TAS2R1: variants seen among roughly 807,000 people sequenced by gnomAD.
The protein encoded by TAS2R1 is taste 2 receptor member 1, also known as taste receptor type 2 member 1.
For missense variants in TAS2R1, 370 were observed against 353.4 expected (o/e 1.05, Z -0.38); for synonymous variants, 141 against 134.2 (o/e 1.05, Z -0.35).
chr5:9,787,379 T>C, the TAS2R1 span, among the ~76,000 whole-genome samples: 1 of 152,180 alleles, frequency 6.6e-6, no homozygotes, highest in Non-Finnish European at 1.5e-5. Context: ...TGTTTAAAAA[T>C]GTGTCTCCAT....
At chr5:9,726,559 GT>G in the TAS2R1 span, among the ~76,000 whole-genome samples, 1 of 152,298 alleles carries the variant, frequency 6.6e-6, no homozygotes, top group East Asian at 1.9e-4. Flanking sequence ...AACACTCACT[GT>G]GAAGGTCTAT....
At chr5:9,768,573 G>A in the TAS2R1 span, among the ~76,000 whole-genome samples, 9 of 151,804 alleles carry the variant, frequency 5.9e-5, no homozygotes, top group South Asian at 4.2e-4. Context: ...CTCCTCCTTC[G>A]CCTCCTTGCT....
At chr5:9,825,630 C>T in the TAS2R1 span, among the ~76,000 whole-genome samples, 2 of 152,202 alleles carry the variant, frequency 1.3e-5, no homozygotes, top group Admixed American at 1.3e-4. Flanking sequence ...CTCAATTTTC[C>T]TGCTTCTCAA....
chr5:9,834,846 T>C, the TAS2R1 span, among the ~76,000 whole-genome samples: 3 of 152,068 alleles, frequency 2.0e-5, no homozygotes, highest in Non-Finnish European at 4.4e-5. Flanking sequence ...TCCCCATCGA[T>C]AGAAATTCAA....
At chr5:9,662,165 C>G (rs919010109) in intron 1 of TAS2R1, among the ~76,000 whole-genome samples, 9 of 152,134 alleles carry the variant, frequency 5.9e-5, no homozygotes, top group African/African-American at 1.7e-4. Context: ...CAGCCTAATT[C>G]CAAACGGGTA....
At chr5:9,672,106 G>A (rs183254984) in intron 1 of TAS2R1, among the ~76,000 whole-genome samples, 51 of 152,158 alleles carry the variant, frequency 3.4e-4, no homozygotes, top group East Asian at 1.7e-3. Context: ...GATTGATGCC[G>A]GACCCCTTCC....
chr5:9,903,134 T>C, the TAS2R1 span, among the ~76,000 whole-genome samples: 1 of 152,046 alleles, frequency 6.6e-6, no homozygotes, highest in African/African-American at 2.4e-5. Flanking sequence ...ACAGTTGAGT[T>C]ACTATTGACT....
At chr5:9,668,032 G>T (rs1740672257) in intron 1 of TAS2R1, among the ~76,000 whole-genome samples, 1 of 152,126 alleles carries the variant, frequency 6.6e-6, no homozygotes, top group Admixed American at 6.6e-5. Flanking sequence ...GCAGTAACAT[G>T]ATGCAGGAGA....
chr5:9,714,967 A>G (rs941751899), upstream of TAS2R1, among the ~76,000 whole-genome samples: 1 of 152,230 alleles, frequency 6.6e-6, no homozygotes, highest in African/African-American at 2.4e-5. Context: ...GGATGTGCCA[A>G]TTTGTCAGCC....
chr5:9,699,341 G>T (rs145754147), intron 1 of TAS2R1, among the ~76,000 whole-genome samples: 1 of 152,164 alleles, frequency 6.6e-6, no homozygotes, highest in Non-Finnish European at 1.5e-5. Context: ...AGTTCCCTTC[G>T]ACGCTTTCAT....
chr5:9,855,779 T>A, the TAS2R1 span, among the ~76,000 whole-genome samples: 2 of 152,238 alleles, frequency 1.3e-5, no homozygotes, highest in African/African-American at 4.8e-5. Flanking sequence ...TAGATGCTGA[T>A]GCAAGATAAA....
At chr5:9,855,996 AG>A in the TAS2R1 span, among the ~76,000 whole-genome samples, 2 of 152,234 alleles carry the variant, frequency 1.3e-5, no homozygotes, top group East Asian at 3.9e-4. Context: ...ATCAGCATAA[AG>A]GAAGAAAAGA....
chr5:9,788,253 T>C, the TAS2R1 span, among the ~76,000 whole-genome samples: 3 of 152,236 alleles, frequency 2.0e-5, no homozygotes, highest in East Asian at 1.9e-4. Flanking sequence ...CTAATCTAAA[T>C]TGGCTATTTG....
intron 2 of TAS2R1, among the ~76,000 whole-genome samples, chr5:9,650,958 T>C (rs1395237424): frequency 2.6e-5 from 4 of 152,216 alleles, no homozygotes; most frequent in Non-Finnish European, 5.9e-5. Context: ...CAACTGCTGA[T>C]CAATGACACT....
chr5:9,885,484 GT>G, the TAS2R1 span, among the ~76,000 whole-genome samples: 3 of 152,104 alleles, frequency 2.0e-5, no homozygotes, highest in African/African-American at 7.2e-5. Context: ...CCATAACTTT[GT>G]TTCTGCAACA....
At chr5:9,747,824 T>TG in the TAS2R1 span, among the ~76,000 whole-genome samples, 5 of 151,748 alleles carry the variant, frequency 3.3e-5, no homozygotes, top group East Asian at 1.9e-4. Context: ...TTTTTTTTTT[T>TG]TTGAAAAGAG....
chr5:9,692,076 T>A (rs1741257255), intron 1 of TAS2R1, among the ~76,000 whole-genome samples: 1 of 152,122 alleles, frequency 6.6e-6, no homozygotes, highest in Non-Finnish European at 1.5e-5. Context: ...TGGGCTTGTG[T>A]CCTCATCGGG....
Position 9,629,265 on chromosome 5 carries a change from C to A in TAS2R1, c.768G>T (p.Arg256Ser). The part of the protein sequence containing the change: ...FLSSLKFHIR[R>S]FIFLFFILVI... The stretch of plus-strand genomic sequence containing the variant: ...CAAGGATGAAGAACAGAAAGATGAA[C>A]CTTCTGATGTGAAACTTTAGAGAAG... Residue 256 changes from arginine (R) to serine (S), a missense_variant, in exon 1 of 1, where the codon AGG becomes AGT. Coordinates refer to ENST00000382492, the MANE Select transcript of TAS2R1 (RefSeq NM_019599.3). 6.2e-7 allele frequency: 1 copy of A among 1,613,940 alleles called. No homozygotes were observed. The highest frequency in any genetic ancestry group is 8.5e-7 in the Non-Finnish European group (1 of 1,179,978).
chr5:9,719,749 T>A, the TAS2R1 span, among the ~76,000 whole-genome samples: 1 of 144,864 alleles, frequency 6.9e-6, no homozygotes, highest in Admixed American at 7.0e-5. Flanking sequence ...ACCCCGTCTC[T>A]ACTAAAAATA....
Sources: allele counts gnomAD v4.1 joint callset (sites outside exome capture counted in the v4.1 genomes callset), GRCh38; gene constraint gnomAD v4.1.1; transcripts MANE v1.5; gene names NCBI Gene and HGNC (gene_info 2026-07-23, HGNC 2026-07-21).